The following ACVR1 variants were observed in gnomAD, a reference collection of about 807,000 sequenced individuals.
The protein encoded by ACVR1 is activin A receptor type 1.
A neutral mutation model predicts 57.1 loss-of-function variants in ACVR1; 38 were observed. The observed-to-expected ratio is 0.67, with a 90% CI of 0.51 to 0.87. The LOEUF (loss-of-function observed/expected upper bound fraction) is 0.87, where lower values mean the gene tolerates loss of function less well. Among genes scored for constraint, ACVR1 ranks in the 40% least tolerant of loss-of-function variants. ACVR1 has a pLI of 0.00. For synonymous variants in ACVR1, 212 were observed against 228.1 expected (o/e 0.93, Z 0.63); for missense variants, 463 against 638.2 (o/e 0.73, Z 2.96).
At chr2:157,823,695 AAT>A (rs141882926) in intron 1 of ACVR1, among the ~76,000 whole-genome samples, 6,584 of 152,170 alleles carry the variant, frequency 0.043, 311 homozygotes, top group African/African-American at 0.12. Context: ...TACAGAGTGT[AAT>A]TAAGTACCAG....
intron 2 of ACVR1, among the ~76,000 whole-genome samples, chr2:157,812,043 A>G (rs965239394): frequency 6.6e-6 from 1 of 152,242 alleles, no homozygotes; most frequent in African/African-American, 2.4e-5. Context: ...AACCTTATAA[A>G]CTGAATTTGA....
intron 1 of ACVR1, among the ~76,000 whole-genome samples, chr2:157,852,589 T>G (rs1047248668): frequency 1.3e-5 from 2 of 151,076 alleles, no homozygotes; most frequent in African/African-American, 4.9e-5. Context: ...AAGTGCTGCA[T>G]AAAATGTTGA....
rs1236387173 is a variant in ACVR1, at chr2:157,736,687, T to A, written c.*844A>T. 4 of 330,712 alleles carry A rather than the reference T, an allele frequency of 1.2e-5. No individual in the cohort carries two copies. The highest frequency in any genetic ancestry group is 2.2e-5 in the Non-Finnish European group (4 of 179,348). The allele number at this position is 330,712 out of a possible 1,614,324, so 20.5% of individuals were successfully genotyped here. A position where few individuals can be genotyped will look rare whatever the true frequency, so the allele number is the denominator to read the frequency against. ...GGCTAAATACGTTCTGCATATGAAC[T>A]GAAAAAAAGTTACAGTCTACACACA... On this transcript the variant is annotated 3_prime_UTR_variant, in exon 11 of 11. Transcript: ENST00000434821.
chr2:157,778,758 T>C (rs1268150446), intron 4 of ACVR1, among the ~76,000 whole-genome samples: 3 of 152,236 alleles, frequency 2.0e-5, no homozygotes, highest in Non-Finnish European at 4.4e-5. Flanking sequence ...GTCTTTAATA[T>C]ATCCTGGGTG....
intron 2 of ACVR1, among the ~76,000 whole-genome samples, chr2:157,813,222 A>G (rs1687812248): frequency 6.6e-6 from 1 of 152,178 alleles, no homozygotes; most frequent in South Asian, 2.1e-4. Flanking sequence ...AAAAGTTAAA[A>G]CAATGCGATT....
intron 9 of ACVR1, among the ~76,000 whole-genome samples, chr2:157,746,981 A>T (rs921661607): frequency 1.3e-5 from 2 of 151,360 alleles, no homozygotes; most frequent in Non-Finnish European, 2.9e-5. Context: ...CCAATAAAAA[A>T]TATAAAAATG....
At chr2:157,793,419 C>G (rs1293497547) in intron 3 of ACVR1, among the ~76,000 whole-genome samples, 5 of 151,966 alleles carry the variant, frequency 3.3e-5, no homozygotes, top group South Asian at 2.1e-4. Flanking sequence ...CAAACACTTC[C>G]CAGGAAGGAA....
chr2:157,784,905 T>TA (rs1686660270), intron 3 of ACVR1, among the ~76,000 whole-genome samples: 1 of 152,262 alleles, frequency 6.6e-6, no homozygotes. Flanking sequence ...CAATTTGGTA[T>TA]AATCTTGTAC....
At chr2:157,777,434 A>T (rs756782995) in intron 5 of ACVR1, among the ~76,000 whole-genome samples, 4 of 152,236 alleles carry the variant, frequency 2.6e-5, no homozygotes, top group African/African-American at 4.8e-5. Context: ...TTACATTAAT[A>T]ATTTTTTAAT....
chr2:157,799,565 G>C (rs1228318037), intron 2 of ACVR1, 65 bp from the exon 3 acceptor site: 1 of 1,272,858 alleles, frequency 7.9e-7, no homozygotes, highest in Non-Finnish European at 1.1e-6. Flanking sequence ...GACAAATTAA[G>C]CATACCACCT....
At chr2:157,834,493 C>G (rs1296091732) in intron 1 of ACVR1, among the ~76,000 whole-genome samples, 1 of 152,060 alleles carries the variant, frequency 6.6e-6, no homozygotes, top group Non-Finnish European at 1.5e-5. Context: ...TGCTCTTTCT[C>G]TAGAGGTAGA....
Position 157,766,059 on chromosome 2 carries a change from G to A in ACVR1, c.928C>T (p.Leu310=), listed in dbSNP as rs1482597638. Reference sequence around the variant, plus strand: ...TGTGCAAGACCACTAGCTATGGACAGCACTATTCGAAGGCAGCTAACTGTA... The same window carrying A: ...TGTGCAAGACCACTAGCTATGGACAACACTATTCGAAGGCAGCTAACTGTA... ...LDTVSCLRIV[L]SIASGLAHLH... Residue 310 remains leucine, a synonymous_variant, in exon 8 of 11, where the codon CTG becomes TTG. Coordinates refer to ENST00000434821, the MANE Select transcript of ACVR1 (RefSeq NM_001111067.4). The A allele has an allele frequency of 1.2e-6, 2 of 1,614,014 alleles. No homozygotes were observed. The highest frequency in any genetic ancestry group is 1.7e-6 in the Non-Finnish European group (2 of 1,180,016).
intron 8 of ACVR1, among the ~76,000 whole-genome samples, chr2:157,761,279 T>C (rs938741552): frequency 3.9e-5 from 6 of 152,128 alleles, no homozygotes; most frequent in South Asian, 2.1e-4. Context: ...GTCAGAAACA[T>C]TCTAAGGCTA....
chr2:157,848,928 A>G (rs1455467390), intron 1 of ACVR1, among the ~76,000 whole-genome samples: 1 of 152,236 alleles, frequency 6.6e-6, no homozygotes, highest in African/African-American at 2.4e-5. Flanking sequence ...TGTTGCTGTC[A>G]TAACTACACA....
intron 2 of ACVR1, among the ~76,000 whole-genome samples, chr2:157,811,981 T>C (rs139041062): frequency 4.6e-5 from 7 of 152,356 alleles, no homozygotes. Flanking sequence ...AGGACTAGAA[T>C]TTTGTGTCAA....
chr2:157,820,989 G>T (rs1688142317), intron 1 of ACVR1, among the ~76,000 whole-genome samples: 1 of 152,012 alleles, frequency 6.6e-6, no homozygotes, highest in African/African-American at 2.4e-5. Context: ...ATAAACCATG[G>T]ACTGAAATCA....
chr2:157,793,079 G>T (rs1686980275), intron 3 of ACVR1, among the ~76,000 whole-genome samples: 1 of 152,170 alleles, frequency 6.6e-6, no homozygotes, highest in African/African-American at 2.4e-5. Context: ...AAGAGTGAAA[G>T]TGGCATATAT....
chr2:157,744,096 C>T (rs1211278535), intron 9 of ACVR1, among the ~76,000 whole-genome samples: 1 of 152,250 alleles, frequency 6.6e-6, no homozygotes, highest in African/African-American at 2.4e-5. Flanking sequence ...ATTTCTCTCT[C>T]TCCTTGCATC....
At chr2:157,760,757 T>C in intron 9 of ACVR1, 123 bp downstream of exon 9, 1 of 973,606 alleles carries the variant, frequency 1.0e-6, no homozygotes, top group Non-Finnish European at 1.6e-6. Flanking sequence ...TATGAATGCC[T>C]ATAACTCGAC....
Sources: gnomAD v4.1 joint callset for allele counts (sites outside exome capture counted in the v4.1 genomes callset) on GRCh38, gnomAD v4.1.1 for gene constraint, MANE v1.5 for transcripts, NCBI Gene and HGNC (gene_info 2026-07-23, HGNC 2026-07-21) for gene names.